The following SLC2A7 variants were observed in gnomAD, a reference collection of about 807,000 sequenced individuals.
SLC2A7 encodes solute carrier family 2 member 7, also known as solute carrier family 2, facilitated glucose transporter member 7.
SLC2A7 carries 50 observed loss-of-function variants against 50.5 expected under a neutral mutation model. That is an observed-to-expected ratio of 0.99 (90% CI 0.79 to 1.25). The LOEUF is 1.25. SLC2A7 is among the 50% of genes most tolerant of loss of function. SLC2A7 has a pLI of 0.00. For missense variants in SLC2A7, 683 were observed against 679.1 expected (o/e 1.01, Z -0.06); for synonymous variants, 308 against 300.4 (o/e 1.03, Z -0.26).
At chr1:9,011,469 C>T (rs1640748242) in intron 8 of SLC2A7, among the ~76,000 whole-genome samples, 1 of 152,126 alleles carries the variant, frequency 6.6e-6, no homozygotes, top group South Asian at 2.1e-4. Flanking sequence ...GCCGGGTCAA[C>T]ATAGTAAGAC....
At chr1:9,026,240 G>A in intron 1 of SLC2A7, 55 bp downstream of exon 1, 2 of 1,572,408 alleles carry the variant, frequency 1.3e-6, no homozygotes, top group Non-Finnish European at 8.7e-7. Flanking sequence ...CCCTCCACAG[G>A]TCTGCACAGC....
In SLC2A7 at chr1:9,026,313, G is replaced by T; in HGVS notation, c.33C>A (p.Pro11=). Residue 11 remains proline (P), a synonymous_variant, in exon 1 of 12, where the codon CCC becomes CCA. Coordinates refer to ENST00000400906, the MANE Select transcript of SLC2A7 (RefSeq NM_207420.3). ...CACTTACCCCCTCCCTGGATGGAATGGGTGGAGGGGTTCCCGCCTCTTTGT... is the reference window on the plus strand; with the variant it reads ...CACTTACCCCCTCCCTGGATGGAATTGGTGGAGGGGTTCCCGCCTCTTTGT... The part of the protein sequence containing the change: MENKEAGTPP[P]IPSREGRLQP... 1 of 1,609,714 alleles carries T rather than the reference G, an allele frequency of 6.2e-7. No homozygotes were observed. Among genetic ancestry groups the T allele is most frequent in the South Asian group, 1.1e-5 (1 of 89,904 alleles).
At chr1:9,022,815 G>T (rs930631230) in intron 3 of SLC2A7, 103 bp downstream of exon 3, 2 of 1,468,712 alleles carry the variant, frequency 1.4e-6, no homozygotes, top group Non-Finnish European at 1.8e-6. Context: ...CAGATCTCCT[G>T]ATTTTCAGGG....
intron 5 of SLC2A7, among the ~76,000 whole-genome samples, chr1:9,015,997 C>G (rs1427430615): frequency 6.6e-6 from 1 of 151,962 alleles, no homozygotes; most frequent in Non-Finnish European, 1.5e-5. Flanking sequence ...TCCCAAAATG[C>G]TGGGCATGAG....
intron 7 of SLC2A7, among the ~76,000 whole-genome samples, chr1:9,013,876 T>C (rs1332196925): frequency 6.6e-6 from 1 of 152,180 alleles, no homozygotes; most frequent in Non-Finnish European, 1.5e-5. Flanking sequence ...GTTTGGCGTC[T>C]ATAAAATGGA....
At chr1:9,001,980 C>T (rs776082835), downstream of SLC2A7, among the ~76,000 whole-genome samples, 2 of 152,218 alleles carry the variant, frequency 1.3e-5, no homozygotes, top group Admixed American at 1.3e-4. Context: ...GAAACATGTG[C>T]TGTGTTGACT....
At chr1:9,022,797 C>G in intron 3 of SLC2A7, 121 bp downstream of exon 3, 2 of 1,344,548 alleles carry the variant, frequency 1.5e-6, no homozygotes, top group Non-Finnish European at 1.0e-6. Flanking sequence ...CAAGCGGAGA[C>G]TAGACTTCAG....
chr1:9,004,877 G>C lies in SLC2A7; in HGVS notation c.1195C>G (p.Pro399Ala). ...TCGGTCCTCACCACCGAGGGGACAG[G>C]ACCTGGAGGGCAGAGCAGGATGGGT... ...YIAGHSIGPS[P>A]VPSVVRTEIF... Residue 399 changes from proline to alanine, a missense_variant and splice_region_variant, in exon 11 of 12, where the codon CCT becomes GCT. Physicochemically the swap from Pro to Ala is conservative, Grantham distance 27. Coordinates refer to ENST00000400906, the MANE Select transcript of SLC2A7 (RefSeq NM_207420.3). 1.9e-6 allele frequency: 3 copies of C among 1,613,590 alleles called. No individual in the cohort carries two copies. The South Asian group carries it at 3.3e-5, about 18-fold the overall frequency.
chr1:9,015,801 G>A (rs1426973597), intron 5 of SLC2A7, among the ~76,000 whole-genome samples: 1 of 149,790 alleles, frequency 6.7e-6, no homozygotes, highest in Non-Finnish European at 1.5e-5. Flanking sequence ...ATAGCCCACT[G>A]CAACCTCAAT....
At chr1:8,997,307 T>TA in the SLC2A7 span, among the ~76,000 whole-genome samples, 1,329 of 152,178 alleles carry the variant, frequency 8.7e-3, 21 homozygotes, top group African/African-American at 0.031. Flanking sequence ...CCCTGTTTCT[T>TA]AAAAAAACAA....
intron 11 of SLC2A7, among the ~76,000 whole-genome samples, 168 bp from the exon 12 acceptor site, chr1:9,003,686 T>C (rs1640608979): frequency 6.6e-6 from 1 of 152,062 alleles, no homozygotes; most frequent in Admixed American, 6.6e-5. Context: ...GATGAAACCC[T>C]GTCTCTATTA....
intron 10 of SLC2A7, among the ~76,000 whole-genome samples, chr1:9,005,887 G>A (rs527245144): frequency 6.6e-6 from 1 of 152,200 alleles, no homozygotes; most frequent in South Asian, 2.1e-4. Flanking sequence ...GGGATGTCAA[G>A]TGCAAACTCC....
At chr1:9,006,893 G>A (rs1194892423) in intron 10 of SLC2A7, among the ~76,000 whole-genome samples, 2 of 152,216 alleles carry the variant, frequency 1.3e-5, no homozygotes, top group African/African-American at 4.8e-5. Context: ...ATAAGGGACT[G>A]TAGCTGGCAG....
chr1:9,017,233 C>T (rs1640843075), intron 5 of SLC2A7, among the ~76,000 whole-genome samples: 3 of 152,110 alleles, frequency 2.0e-5, no homozygotes, highest in Admixed American at 1.3e-4. Context: ...GGCAGGAGAA[C>T]TGCTTGAACC....
At chr1:9,017,238 T>C (rs1279207073) in intron 5 of SLC2A7, among the ~76,000 whole-genome samples, 1 of 152,164 alleles carries the variant, frequency 6.6e-6, no homozygotes, top group Non-Finnish European at 1.5e-5. Flanking sequence ...GAGAACTGCT[T>C]GAACCCGGGA....
rs1640878043 is a variant in SLC2A7 at position 9,019,311 on chromosome 1, T to C, written c.334A>G (p.Asn112Asp). 6.2e-7 allele frequency: 1 copy of C among 1,614,054 alleles called. No homozygotes were observed. The highest frequency in any genetic ancestry group is 8.5e-7 in the Non-Finnish European group (1 of 1,179,962). ...ATGGCGGGGATGATGGCAAAGATGT[T>C]GTTGATCAGCAGGGTCCCCTTTCTG... is the stretch of plus-strand genomic sequence containing the variant. ...CGRKGTLLIN[N>D]IFAIIPAILM... Residue 112 changes from asparagine to aspartate, a missense_variant, in exon 4 of 12, where the codon AAC (asparagine) becomes GAC (aspartate). Transcript: ENST00000400906.
At chr1:9,000,093 A>G (rs975963929), downstream of SLC2A7, among the ~76,000 whole-genome samples, 1 of 152,242 alleles carries the variant, frequency 6.6e-6, no homozygotes, top group Non-Finnish European at 1.5e-5. Flanking sequence ...GAATTGGTGA[A>G]AAATGTGAGA....
chr1:9,019,864 C>T (rs912892909), intron 3 of SLC2A7, among the ~76,000 whole-genome samples: 3 of 151,900 alleles, frequency 2.0e-5, no homozygotes, highest in African/African-American at 7.3e-5. Context: ...GCAGAGGTTG[C>T]AGTGAGCCGA....
chr1:9,023,727 G>GGTTCTCAATA (rs1640949350), intron 2 of SLC2A7, among the ~76,000 whole-genome samples: 1 of 149,700 alleles, frequency 6.7e-6, no homozygotes, highest in Non-Finnish European at 1.5e-5. Context: ...GCCAACATAG[G>GGTTCTCAATA]GAGACCCTGT....
Sources: gnomAD v4.1 joint callset for allele counts (sites outside exome capture counted in the v4.1 genomes callset) on GRCh38, gnomAD v4.1.1 for gene constraint, MANE v1.5 for transcripts, NCBI Gene and HGNC (gene_info 2026-07-23, HGNC 2026-07-21) for gene names.